The following PRR12 variants were observed in gnomAD, a reference collection of about 807,000 sequenced individuals.
The protein encoded by PRR12 is proline rich 12, also known as proline-rich protein 12.
A neutral mutation model predicts 138.0 loss-of-function variants in PRR12; 12 were observed. The ratio of observed to expected loss-of-function variants is 0.09; its 90% confidence interval spans 0.06 to 0.14. PRR12 has a LOEUF of 0.14. PRR12 is among the 10% of genes least tolerant of loss of function. PRR12 has a pLI of 1.00. For synonymous variants in PRR12, 1,567 were observed against 1,291.7 expected (o/e 1.21, Z -4.57); for missense variants, 2,692 against 2,861.3 (o/e 0.94, Z 1.35).
Position 49,599,893 on chromosome 19 carries a change from C to T in PRR12, c.4300C>T (p.Pro1434Ser), listed in dbSNP as rs766487440. The T allele has an allele frequency of 6.2e-7, 1 of 1,611,022 alleles. No homozygotes were observed. Among genetic ancestry groups the T allele is most frequent in the Non-Finnish European group, 8.5e-7 (1 of 1,178,558 alleles). The change falls in exon 5 of 14, where the codon CCC (proline) becomes TCC (serine). Residue 1434 changes from proline to serine, a missense_variant. Physicochemically the swap from Pro to Ser is moderately conservative, Grantham distance 74. This residue lies in a region of PRR12 where 231 missense variants were observed against 200.8 expected (regional missense o/e 1.15). Transcript: ENST00000418929. The surrounding 1 kb of genome is among the most constrained non-coding windows in gnomAD (Gnocchi z 5.0). ...LAPAAAVPGP[P>S]PLPGLPSANS... ...CCCCGCGGCTGCAGTTCCAGGGCCA[C>T]CCCCTCTTCCGGGGCTCCCCAGTGC...
At chr19:49,606,645 C>CTTTTTTT (rs1230626073) in intron 6 of PRR12, among the ~76,000 whole-genome samples, 6 of 128,146 alleles carry the variant, frequency 4.7e-5, no homozygotes, top group Non-Finnish European at 6.6e-5. Context: ...TACCATCTCT[C>CTTTTTTT]TTTTTTTTTT....
intron 4 of PRR12, 88 bp downstream of exon 4, chr19:49,598,101 T>C: frequency 8.2e-7 from 1 of 1,216,866 alleles, no homozygotes; most frequent in Non-Finnish European, 1.0e-6. Context: ...TGAGACAGAG[T>C]CTCGCTCTGT....
Position 49,614,520 on chromosome 19 carries a change from CCCT to C in PRR12, c.4774-5_4774-3del, listed in dbSNP as rs1449764191. 3.9e-6 allele frequency: 6 copies of C among 1,530,832 alleles called. No individual in the cohort carries two copies. Among genetic ancestry groups the C allele is most frequent in the Non-Finnish European group, 5.3e-6 (6 of 1,136,944 alleles). The allele number at this position is 1,530,832 out of a possible 1,614,324, so 94.8% of individuals were successfully genotyped here. On this transcript the variant is annotated splice_polypyrimidine_tract_variant and intron_variant, in intron 6 of 13. Coordinates refer to ENST00000418929, the MANE Select transcript of PRR12 (RefSeq NM_020719.3). This position sits in a 1 kb window ranked among gnomAD's most constrained non-coding sequence, Gnocchi z 5.0. ...GCTGACCCTGCTGGCCTCACCACAC[CCCT>C]CCTCCTCAGCTGGCGTTGCAGACGG...
At chr19:49,621,896 CAT>C (rs1195697022) in intron 11 of PRR12, 5 of 488,040 alleles carry the variant, frequency 1.0e-5, no homozygotes, top group African/African-American at 9.7e-5. Flanking sequence ...TGCAGCCAAA[CAT>C]AGACTAGGCC....
In PRR12 at chr19:49,597,471, C is replaced by T. The variant is rs991182453; in HGVS notation, c.3136C>T (p.Pro1046Ser). 12 of 1,544,122 alleles carry T rather than the reference C, an allele frequency of 7.8e-6. No homozygotes were observed. The highest frequency in any genetic ancestry group is 2.0e-5 in the Admixed American group (1 of 50,952). ...GGCGCCACCACCCCCGCCTCCGCCACCGCCGCCTCCCGCGCCGGCCTCCGA... is the reference window on the plus strand; with the variant it reads ...GGCGCCACCACCCCCGCCTCCGCCATCGCCGCCTCCCGCGCCGGCCTCCGA... ...QAAPPPPPPPPPPPAPASEPK... is the reference protein window; with the variant it reads ...QAAPPPPPPPSPPPAPASEPK... Residue 1046 changes from proline (P) to serine (S), a missense_variant, in exon 4 of 14, where the codon CCG (proline) becomes TCG (serine). Around this residue, in one of 11 missense-constraint regions of PRR12, gnomAD observed 840 missense variants for 689.8 expected, o/e 1.22. Transcript: ENST00000418929. This position sits in a 1 kb window ranked among gnomAD's most constrained non-coding sequence, Gnocchi z 6.3.
intron 6 of PRR12, among the ~76,000 whole-genome samples, chr19:49,602,620 C>T (rs1156841604): frequency 2.0e-5 from 3 of 152,172 alleles, no homozygotes; most frequent in Admixed American, 6.6e-5. Flanking sequence ...GGCTCAATCT[C>T]GGCTCACTGC....
At chr19:49,600,366 A>G (rs2080803366) in intron 5 of PRR12, among the ~76,000 whole-genome samples, 1 of 151,758 alleles carries the variant, frequency 6.6e-6, no homozygotes, top group Non-Finnish European at 1.5e-5. Flanking sequence ...GGGGCATAGG[A>G]AGGGTTTAGG....
At chr19:49,600,019 T>G in intron 5 of PRR12, 81 bp downstream of exon 5, 1 of 1,358,366 alleles carries the variant, frequency 7.4e-7, no homozygotes, top group Non-Finnish European at 9.8e-7. Context: ...GGTTACGCAC[T>G]GTTTAAGAGA....
Position 49,601,840 on chromosome 19 carries a change from C to A in PRR12, c.4695C>A (p.Ala1565=). The A allele has an allele frequency of 1.2e-6, 2 of 1,612,828 alleles. No individual in the cohort carries two copies. The highest frequency in any genetic ancestry group is 1.7e-6 in the Non-Finnish European group (2 of 1,179,882). ...AAVCGETDEE[A]GESGGEGIFR... is the part of the protein sequence containing the mutation. Reference sequence around the variant, plus strand: ...TGTGTGGGGAGACGGACGAGGAGGCCGGCGAGAGTGGCGGAGAGGGCATCT... The same window carrying A: ...TGTGTGGGGAGACGGACGAGGAGGCAGGCGAGAGTGGCGGAGAGGGCATCT... Residue 1565 remains alanine (A), a synonymous_variant, in exon 6 of 14, where the codon GCC becomes GCA. Transcript: ENST00000418929.
rs2080774862 is a variant in PRR12, at chr19:49,596,910, C to T, written c.2575C>T (p.Leu859=). ...QLEAHLRSHG[L]EPAAPSPRLR... The stretch of plus-strand genomic sequence containing the variant: ...CGAGGCCCACCTCCGCAGCCATGGC[C>T]TGGAGCCCGCGGCCCCCAGCCCCCG... The change falls in exon 4 of 14, where the codon CTG becomes TTG. Residue 859 remains leucine (L), a synonymous_variant. Coordinates refer to ENST00000418929, the MANE Select transcript of PRR12 (RefSeq NM_020719.3). This position sits in a 1 kb window ranked among gnomAD's most constrained non-coding sequence, Gnocchi z 5.6. 2.6e-6 allele frequency: 4 copies of T among 1,552,734 alleles called. No homozygotes were observed. Among genetic ancestry groups the T allele is most frequent in the Non-Finnish European group, 3.5e-6 (4 of 1,156,144 alleles).
Position 49,597,538 on chromosome 19 carries a change from A to T in PRR12, c.3203A>T (p.Lys1068Met). The T allele has an allele frequency of 6.4e-7, 1 of 1,573,764 alleles. No homozygotes were observed. The highest frequency in any genetic ancestry group is 8.6e-7 in the Non-Finnish European group (1 of 1,162,098). The change falls in exon 4 of 14, where the codon AAG becomes ATG. Residue 1068 changes from lysine to methionine, a missense_variant. Physicochemically the swap from Lys to Met is moderately conservative, Grantham distance 95. Coordinates refer to ENST00000418929, the MANE Select transcript of PRR12 (RefSeq NM_020719.3). This position sits in a 1 kb window ranked among gnomAD's most constrained non-coding sequence, Gnocchi z 6.3. Reference protein sequence around the residue: ...GLTSPIFCSTKPKKLLKTSSF... With the variant: ...GLTSPIFCSTMPKKLLKTSSF... ...ACCTCGCCCATCTTCTGCTCTACCA[A>T]GCCAAAGAAGCTGCTCAAGACATCC...
intron 6 of PRR12, among the ~76,000 whole-genome samples, chr19:49,608,890 C>T (rs1031461131): frequency 6.6e-6 from 1 of 152,032 alleles, no homozygotes; most frequent in African/African-American, 2.4e-5. Flanking sequence ...TCAAGAACCA[C>T]TTGTGGGAAC....
In PRR12 at chr19:49,594,854, C is replaced by T. The variant is rs2122286221; in HGVS notation, c.519C>T (p.Pro173=). Reference sequence around the variant, plus strand: ...CCTCGTCCCTCAGCCTCCAGGACCCCCCATTCAGCCCTCCAGCTAACGGGC... The same window carrying T: ...CCTCGTCCCTCAGCCTCCAGGACCCTCCATTCAGCCCTCCAGCTAACGGGC... The part of the protein sequence containing the change: ...PVPSSLSLQD[P]PFSPPANGLL... Residue 173 remains proline (P), a synonymous_variant, in exon 4 of 14, where the codon CCC becomes CCT. Transcript: ENST00000418929. This position sits in a 1 kb window ranked among gnomAD's most constrained non-coding sequence, Gnocchi z 5.6. The T allele has an allele frequency of 1.9e-6, 3 of 1,611,546 alleles. No homozygotes were observed. Among genetic ancestry groups the T allele is most frequent in the Non-Finnish European group, 2.5e-6 (3 of 1,179,110 alleles).
Position 49,595,044 on chromosome 19 carries a change from C to G in PRR12, c.709C>G (p.Pro237Ala), listed in dbSNP as rs766458644. The G allele has an allele frequency of 1.2e-6, 2 of 1,610,082 alleles. No individual in the cohort carries two copies. Among genetic ancestry groups the G allele is most frequent in the Non-Finnish European group, 1.7e-6 (2 of 1,179,044 alleles). Reference sequence around the variant, plus strand: ...CCCTGGCCCCCCAGACCCACCACCACCTCCTCGCCACCTCCCAACTCAGTT... The same window carrying G: ...CCCTGGCCCCCCAGACCCACCACCAGCTCCTCGCCACCTCCCAACTCAGTT... The part of the protein sequence containing the change: ...YRPGPPDPPP[P>A]PRHLPTQFNL... The change falls in exon 4 of 14, where the codon CCT becomes GCT. Residue 237 changes from proline (P) to alanine (A), a missense_variant. Physicochemically the swap from Pro to Ala is conservative, Grantham distance 27. Around this residue, in one of 11 missense-constraint regions of PRR12, gnomAD observed 523 missense variants for 496.4 expected, o/e 1.05. Transcript: ENST00000418929.
Position 49,594,580 on chromosome 19 carries a change from T to G in PRR12, c.326T>G (p.Leu109Arg), listed in dbSNP as rs985696546. 1.2e-6 allele frequency: 2 copies of G among 1,612,698 alleles called. No individual in the cohort carries two copies. Among genetic ancestry groups the G allele is most frequent in the Non-Finnish European group, 1.7e-6 (2 of 1,179,690 alleles). ...GPQPGPSASS[L>R]LSQFRSPSWQ... is the part of the protein sequence containing the mutation. ...CAGCCTGGCCCCTCCGCCTCCTCTC[T>G]CCTCTCCCAGTTCCGCAGTCCTTCC... The change falls in exon 3 of 14, where the codon CTC becomes CGC. Residue 109 changes from leucine to arginine, a missense_variant. Physicochemically the swap from Leu to Arg is moderately radical, Grantham distance 102. This residue lies in a region of PRR12 where 211 missense variants were observed against 266.3 expected (regional missense o/e 0.79). Coordinates refer to ENST00000418929, the MANE Select transcript of PRR12 (RefSeq NM_020719.3). The surrounding 1 kb of genome is among the most constrained non-coding windows in gnomAD (Gnocchi z 5.6).
At position 49,621,516 on chromosome 19, in the gene PRR12, G is replaced by T. The variant is rs373986293; in HGVS notation, c.5624-9G>T. 6.3e-7 allele frequency: 1 copy of T among 1,594,462 alleles called. No individual in the cohort carries two copies. Among genetic ancestry groups the T allele is most frequent in the Non-Finnish European group, 8.5e-7 (1 of 1,170,418 alleles). The stretch of plus-strand genomic sequence containing the variant: ...GTGGCCTTCCTGATACCATGTCCTC[G>T]TCCATCAGACGAGCTGTACCTGCCC... On this transcript the variant is annotated splice_polypyrimidine_tract_variant and intron_variant, in intron 10 of 13. Transcript: ENST00000418929.
chr19:49,603,477 G>A lies in PRR12; in HGVS notation c.4773+1559G>A, dbSNP rs2080822649. On this transcript the variant is annotated intron_variant, in intron 6 of 13. Coordinates refer to ENST00000418929, the MANE Select transcript of PRR12 (RefSeq NM_020719.3). ...AGGCCAAGGCAGGTGGATCACTTGA[G>A]GTCAGGAGCTTGAGACCAGCCTGGC... is the stretch of plus-strand genomic sequence containing the variant. 2.0e-5 allele frequency among the ~76,000 whole-genome samples: 3 copies of A among 152,220 alleles called. No homozygotes were observed. The South Asian group carries it at 6.2e-4, about 31-fold the overall frequency.
chr19:49,598,415 C>T (rs1384537740), intron 4 of PRR12, among the ~76,000 whole-genome samples: 7 of 152,130 alleles, frequency 4.6e-5, no homozygotes, highest in East Asian at 1.9e-4. Flanking sequence ...TATGGCCGCA[C>T]CTTGGCATTT....
Position 49,599,176 on chromosome 19 carries a change from T to C in PRR12, c.3679-96T>C. The C allele has an allele frequency of 3.4e-6, 4 of 1,182,038 alleles. No individual in the cohort carries two copies. The highest frequency in any genetic ancestry group is 4.6e-6 in the Non-Finnish European group (4 of 866,370). The allele number at this position is 1,182,038 out of a possible 1,614,324, so 73.2% of individuals were successfully genotyped here. A position where few individuals can be genotyped will look rare whatever the true frequency, so the allele number is the denominator to read the frequency against. On this transcript the variant is annotated intron_variant, in intron 4 of 13. Coordinates refer to ENST00000418929, the MANE Select transcript of PRR12 (RefSeq NM_020719.3). The surrounding 1 kb of genome is among the most constrained non-coding windows in gnomAD (Gnocchi z 5.0). Reference sequence around the variant, plus strand: ...GTTTGAATTCTATAAATTCACAGGCTGAGCACCTGTAAATTTGGATTTTTG... The same window carrying C: ...GTTTGAATTCTATAAATTCACAGGCCGAGCACCTGTAAATTTGGATTTTTG...
Sources: allele counts gnomAD v4.1 joint callset (sites outside exome capture counted in the v4.1 genomes callset), GRCh38; gene constraint gnomAD v4.1.1; regional missense constraint gnomAD v4.1.1; non-coding constraint Gnocchi (gnomAD v3.1); transcripts MANE v1.5; gene names NCBI Gene and HGNC (gene_info 2026-07-23, HGNC 2026-07-21).